Variants in PDLIM5 observed in about 807,000 individuals in gnomAD.
PDLIM5 encodes the protein PDZ and LIM domain 5.
PDLIM5 carries 34 observed loss-of-function variants against 64.2 expected under a neutral mutation model. The ratio of observed to expected loss-of-function variants is 0.53; its 90% CI spans 0.40 to 0.71. The LOEUF (loss-of-function observed/expected upper bound fraction) is 0.71, where lower values mean the gene tolerates loss of function less well. Among genes scored for constraint, PDLIM5 ranks in the 30% least tolerant of loss-of-function variants. The pLI is 0.00. For synonymous variants in PDLIM5, 253 were observed against 269.1 expected (o/e 0.94, Z 0.59); for missense variants, 683 against 733.6 (o/e 0.93, Z 0.80).
chr4:94,528,813 T>C lies in PDLIM5; in HGVS notation c.248+4938T>C, dbSNP rs1390014439. Among the ~76,000 whole-genome samples the C allele has an allele frequency of 2.6e-5, 4 of 152,174 alleles. No homozygotes were observed. In the East Asian group the frequency reaches 7.7e-4, roughly 29 times the overall value. On this transcript the variant is annotated intron_variant, in intron 3 of 12. Coordinates refer to ENST00000317968, the MANE Select transcript of PDLIM5 (RefSeq NM_006457.5). ...ATATTATAGGGAAAAATAAAGCATG[T>C]GAGGGAGCACCTTCTCACTTGGGGT...
chr4:94,589,325 C>T (rs899325186), intron 7 of PDLIM5, among the ~76,000 whole-genome samples: 5 of 152,072 alleles, frequency 3.3e-5, no homozygotes, highest in Admixed American at 3.3e-4. Flanking sequence ...CAACTTAAAA[C>T]AGATGTAGTT....
chr4:94,561,801 C>T (rs948640116), intron 3 of PDLIM5, among the ~76,000 whole-genome samples: 2 of 152,166 alleles, frequency 1.3e-5, no homozygotes, highest in Admixed American at 6.5e-5. Flanking sequence ...TTAGTCATCA[C>T]CAAAGAGGGG....
Position 94,542,638 on chromosome 4 carries a change from C to G in PDLIM5, c.248+18763C>G, listed in dbSNP as rs550286394. 3.3e-5 allele frequency among the ~76,000 whole-genome samples: 5 copies of G among 152,166 alleles called. No homozygotes were observed. In the East Asian group the frequency reaches 9.7e-4, roughly 29 times the overall value. ...TTGTGCTTCAATAGTGTATACTGTC[C>G]TACACAAGCAATATTTCACTTGTTG... On this transcript the variant is annotated intron_variant, in intron 3 of 12. Coordinates refer to ENST00000317968, the MANE Select transcript of PDLIM5 (RefSeq NM_006457.5).
At chr4:94,521,090 G>A (rs1431430843) in intron 2 of PDLIM5, among the ~76,000 whole-genome samples, 1 of 152,164 alleles carries the variant, frequency 6.6e-6, no homozygotes, top group Non-Finnish European at 1.5e-5. Flanking sequence ...ACCTTATGGA[G>A]CTTGTTTTGA....
At chr4:94,591,762 T>C (rs1200981411) in intron 7 of PDLIM5, among the ~76,000 whole-genome samples, 1 of 152,254 alleles carries the variant, frequency 6.6e-6, no homozygotes, top group Non-Finnish European at 1.5e-5. Context: ...TGCTTCCTTT[T>C]CTGTCCTTTC....
intron 3 of PDLIM5, among the ~76,000 whole-genome samples, chr4:94,535,421 A>G (rs761073745): frequency 1.1e-4 from 16 of 152,122 alleles, no homozygotes; most frequent in South Asian, 6.2e-4. Flanking sequence ...TGCAAGTTCA[A>G]TGTGGGCAAA....
chr4:94,609,106 G>A (rs1369994448), intron 7 of PDLIM5, among the ~76,000 whole-genome samples: 1 of 152,058 alleles, frequency 6.6e-6, no homozygotes, highest in Non-Finnish European at 1.5e-5. Flanking sequence ...AAATTCTTTT[G>A]ACAGGAAAAA....
intron 11 of PDLIM5, among the ~76,000 whole-genome samples, chr4:94,659,484 ATATGTGTGTATGTGTGTGTGTG>A (rs1346039895): frequency 3.7e-5 from 5 of 133,708 alleles, no homozygotes; most frequent in African/African-American, 5.8e-5. Context: ...GCTGTAGTAT[ATATGTGTGTATGTGTGTGTGTG>A]TGTGTGTGTG....
intron 2 of PDLIM5, among the ~76,000 whole-genome samples, chr4:94,500,051 A>G (rs1261360429): frequency 2.6e-5 from 4 of 152,200 alleles, no homozygotes; most frequent in South Asian, 2.1e-4. Flanking sequence ...AGAATTTTGT[A>G]TCTGCAGGGG....
chr4:94,595,070 A>G (rs115228782), intron 7 of PDLIM5, among the ~76,000 whole-genome samples: 5,755 of 152,158 alleles, frequency 0.038, 374 homozygotes, highest in African/African-American at 0.13. Flanking sequence ...AGCAGGAGAG[A>G]GAGAGAAGGG....
intron 3 of PDLIM5, among the ~76,000 whole-genome samples, chr4:94,562,704 G>A (rs961161419): frequency 6.6e-6 from 1 of 152,112 alleles, no homozygotes; most frequent in Non-Finnish European, 1.5e-5. Flanking sequence ...CAGCATTTTA[G>A]GTCATTTCTT....
intron 8 of PDLIM5, among the ~76,000 whole-genome samples, chr4:94,621,624 G>T (rs1422314041): frequency 6.6e-6 from 1 of 152,148 alleles, no homozygotes; most frequent in Non-Finnish European, 1.5e-5. Context: ...GTACTGCTCT[G>T]CCTTTTAAGT....
chr4:94,465,515 C>G (rs1227517155), intron 2 of PDLIM5, among the ~76,000 whole-genome samples: 2 of 152,210 alleles, frequency 1.3e-5, no homozygotes, highest in Non-Finnish European at 2.9e-5. Context: ...GTTCTCCTGC[C>G]TCAGCTTCCT....
intron 3 of PDLIM5, among the ~76,000 whole-genome samples, chr4:94,563,089 G>T (rs1367885194): frequency 6.6e-6 from 1 of 152,132 alleles, no homozygotes; most frequent in East Asian, 1.9e-4. Flanking sequence ...TTTCAGTTCT[G>T]TGATGGTATA....
At chr4:94,544,909 A>T (rs1159114430) in intron 3 of PDLIM5, among the ~76,000 whole-genome samples, 1 of 152,228 alleles carries the variant, frequency 6.6e-6, no homozygotes, top group African/African-American at 2.4e-5. Flanking sequence ...CTTGATGCAA[A>T]GATTAGCAAT....
intron 3 of PDLIM5, among the ~76,000 whole-genome samples, chr4:94,526,650 T>C (rs759864607): frequency 9.2e-5 from 14 of 152,196 alleles, no homozygotes; most frequent in Non-Finnish European, 2.1e-4. Flanking sequence ...TTTGATTCTT[T>C]TCTATACCAG....
At chr4:94,647,751 A>ATATGCG (rs1741531460) in intron 9 of PDLIM5, among the ~76,000 whole-genome samples, 1 of 152,198 alleles carries the variant, frequency 6.6e-6, no homozygotes, top group East Asian at 1.9e-4. Flanking sequence ...GGGATAGACC[A>ATATGCG]TATGTTAAGT....
intron 2 of PDLIM5, among the ~76,000 whole-genome samples, chr4:94,470,591 A>G (rs1376025021): frequency 6.6e-6 from 1 of 152,136 alleles, no homozygotes; most frequent in Non-Finnish European, 1.5e-5. Context: ...TATTATTTCT[A>G]GTGGAGGGTG....
At chr4:94,480,246 A>G (rs865839505) in intron 2 of PDLIM5, among the ~76,000 whole-genome samples, 4 of 152,184 alleles carry the variant, frequency 2.6e-5, no homozygotes, top group South Asian at 2.1e-4. Context: ...TATGGTAAAC[A>G]TTTACTTGAG....
Sources: allele counts gnomAD v4.1 joint callset (sites outside exome capture counted in the v4.1 genomes callset), GRCh38; gene constraint gnomAD v4.1.1; transcripts MANE v1.5; gene names NCBI Gene and HGNC (gene_info 2026-07-23, HGNC 2026-07-21).